The following AP1G1 variants were observed in gnomAD, a reference collection of about 807,000 sequenced individuals.
AP1G1 encodes the protein AP-1 complex subunit gamma-1.
Under a neutral mutation model 108.3 loss-of-function variants are expected in AP1G1, and 7 were observed. The observed-to-expected ratio is 0.06, with a 90% CI of 0.04 to 0.12. The LOEUF (loss-of-function observed/expected upper bound fraction) is 0.12. Ranked by LOEUF, AP1G1 falls within the 10% of genes least tolerant of loss-of-function variation. The pLI is 1.00. For synonymous variants in AP1G1, 379 were observed against 353.5 expected (o/e 1.07, Z -0.81); for missense variants, 756 against 1,010.7 (o/e 0.75, Z 3.42).
chr16:71,761,430 C>T (rs1158963387), intron 10 of AP1G1, 82 bp downstream of exon 10: 1 of 970,212 alleles, frequency 1.0e-6, no homozygotes, highest in South Asian at 1.4e-5. Context: ...TGACTTAATA[C>T]ATGTATGATC....
chr16:71,768,192 TAAAAAAAAAAAA>T (rs10610445), intron 6 of AP1G1, among the ~76,000 whole-genome samples: 2 of 99,828 alleles, frequency 2.0e-5, no homozygotes, highest in African/African-American at 7.6e-5. Context: ...AATACTAGTT[TAAAAAAAAAAAA>T]AAAAAAAAAA....
intron 11 of AP1G1, 27 bp from the exon 12 acceptor site, chr16:71,756,186 G>T: frequency 6.3e-7 from 1 of 1,595,280 alleles, no homozygotes; most frequent in South Asian, 1.1e-5. Context: ...ATTAAAAACA[G>T]TTAAGAAATT....
chr16:71,785,174 A>G (rs140325254), intron 2 of AP1G1, among the ~76,000 whole-genome samples: 1 of 152,104 alleles, frequency 6.6e-6, no homozygotes, highest in Non-Finnish European at 1.5e-5. Context: ...AAATAGCTAA[A>G]CTAAAAAGAA....
chr16:71,807,803 C>T, intron 1 of AP1G1: 2 of 1,289,088 alleles, frequency 1.6e-6, no homozygotes, highest in Non-Finnish European at 2.0e-6. Flanking sequence ...CTACCTACCT[C>T]AGATTAATAT....
Position 71,734,643 on chromosome 16 carries a change from A to G in AP1G1, c.2333T>C (p.Ile778Thr). ...SIVPAFNTGT[I>T]TQVIKVLNPQ... Reference sequence around the variant, plus strand: ...GTTCAGAACTTTAATGACTTGTGTGATGGTCCCCGTGTTAAATGCTGGGAC... The same window carrying G: ...GTTCAGAACTTTAATGACTTGTGTGGTGGTCCCCGTGTTAAATGCTGGGAC... The change falls in exon 22 of 23, where the codon ATC (isoleucine) becomes ACC (threonine). Residue 778 changes from isoleucine (I) to threonine (T), a missense_variant. Ile to Thr is a moderately conservative substitution (Grantham distance 89, BLOSUM62 -1). This residue lies in a region of AP1G1 where 95 missense variants were observed against 160.5 expected (regional missense o/e 0.59). Coordinates refer to ENST00000299980, the MANE Select transcript of AP1G1 (RefSeq NM_001128.6). 6.2e-7 allele frequency: 1 copy of G among 1,614,102 alleles called. No homozygotes were observed. Among genetic ancestry groups the G allele is most frequent in the East Asian group, 2.2e-5 (1 of 44,884 alleles).
In AP1G1 at chr16:71,732,912, A is replaced by G. The variant is rs752152814; in HGVS notation, c.*146T>C. 1.6e-6 allele frequency: 1 copy of G among 623,664 alleles called. No individual in the cohort carries two copies. The highest frequency in any genetic ancestry group is 2.8e-6 in the Non-Finnish European group (1 of 356,146). The allele number at this position is 623,664 out of a possible 1,614,324, so 38.6% of individuals were successfully genotyped here. ...TCTTTAACAATGCTTCAAGGTCAGC[A>G]GTAACTTTAGGAAAATCCTCCTCAG... On this transcript the variant is annotated 3_prime_UTR_variant, in exon 23 of 23. Transcript: ENST00000299980.
chr16:71,795,551 A>G (rs892104830), intron 1 of AP1G1, among the ~76,000 whole-genome samples: 2 of 152,202 alleles, frequency 1.3e-5, no homozygotes, highest in Admixed American at 6.5e-5. Context: ...CAGATGGCCT[A>G]TATTTTTATA....
chr16:71,748,445 A>G, intron 15 of AP1G1, 67 bp from the exon 16 acceptor site: 3 of 1,542,322 alleles, frequency 1.9e-6, no homozygotes, highest in Non-Finnish European at 1.8e-6. Flanking sequence ...TAAATCTGAT[A>G]TCAAGTCAGG....
chr16:71,803,676 G>A (rs1419384189), intron 1 of AP1G1, among the ~76,000 whole-genome samples: 4 of 152,142 alleles, frequency 2.6e-5, no homozygotes, highest in African/African-American at 9.7e-5. Flanking sequence ...TGTAATCCCA[G>A]CACTTTGGGA....
chr16:71,777,072 T>C (rs1366160660), intron 2 of AP1G1, among the ~76,000 whole-genome samples: 1 of 121,142 alleles, frequency 8.3e-6, no homozygotes, highest in Non-Finnish European at 1.6e-5. Flanking sequence ...ATCGCGCCAC[T>C]GCACTCCAGC....
chr16:71,757,400 G>A (rs1032254979), intron 11 of AP1G1, among the ~76,000 whole-genome samples: 5 of 121,112 alleles, frequency 4.1e-5, no homozygotes, highest in East Asian at 5.6e-4. Flanking sequence ...GCAGTGAGCC[G>A]AGGTCGCACC....
chr16:71,740,899 T>C (rs2045611104), intron 19 of AP1G1, among the ~76,000 whole-genome samples: 2 of 152,244 alleles, frequency 1.3e-5, no homozygotes, highest in Admixed American at 6.5e-5. Flanking sequence ...TCATTAAATT[T>C]TGTAGATGTT....
chr16:71,759,765 A>G (rs1382508966), intron 10 of AP1G1, among the ~76,000 whole-genome samples: 2 of 151,634 alleles, frequency 1.3e-5, no homozygotes, highest in African/African-American at 4.8e-5. Flanking sequence ...GTCTCAAAAA[A>G]AAAAAAAATT....
chr16:71,808,151 C>G (rs1439923441), intron 1 of AP1G1: 2 of 1,147,074 alleles, frequency 1.7e-6, no homozygotes, highest in African/African-American at 3.3e-5. Context: ...GGGCCAGGAG[C>G]TGAGAAAAGG....
Position 71,767,320 on chromosome 16 carries a change from G to A in AP1G1, c.643-1736C>T, listed in dbSNP as rs1597061504. ...AGACAAACAAAATAAGATGACACAG[G>A]GAAAGGCTGCAGCCATGAAAATCAG... On this transcript the variant is annotated intron_variant, in intron 6 of 22. Transcript: ENST00000299980. Among the ~76,000 whole-genome samples the A allele has an allele frequency of 2.6e-5, 4 of 152,246 alleles. No homozygotes were observed. In the South Asian group the frequency reaches 8.3e-4, roughly 32 times the overall value.
At chr16:71,781,956 G>C (rs1365009645) in intron 2 of AP1G1, among the ~76,000 whole-genome samples, 1 of 152,146 alleles carries the variant, frequency 6.6e-6, no homozygotes, top group African/African-American at 2.4e-5. Context: ...TCACCAGGAG[G>C]CGTATAATTA....
chr16:71,780,150 T>C (rs1176638777), intron 2 of AP1G1, among the ~76,000 whole-genome samples: 3 of 151,768 alleles, frequency 2.0e-5, no homozygotes, highest in African/African-American at 7.2e-5. Flanking sequence ...CGCACCACTA[T>C]ATCCGGCTAA....
chr16:71,788,000 TACTAAC>T (rs1245622096), intron 2 of AP1G1, among the ~76,000 whole-genome samples: 1 of 152,192 alleles, frequency 6.6e-6, no homozygotes, highest in Non-Finnish European at 1.5e-5. Context: ...TTTCCTCTGA[TACTAAC>T]ACATCAATTT....
intron 17 of AP1G1, 69 bp from the exon 18 acceptor site, chr16:71,745,683 T>A: frequency 7.5e-7 from 1 of 1,332,684 alleles, no homozygotes; most frequent in Non-Finnish European, 1.1e-6. Context: ...TAATCACCAT[T>A]AACTATGTTG....
Sources: allele counts gnomAD v4.1 joint callset (sites outside exome capture counted in the v4.1 genomes callset), GRCh38; gene constraint gnomAD v4.1.1; regional missense constraint gnomAD v4.1.1; transcripts MANE v1.5; gene names NCBI Gene and HGNC (gene_info 2026-07-23, HGNC 2026-07-21).